SYMPK: variants seen among roughly 807,000 people sequenced by gnomAD.
SYMPK encodes the protein symplekin.
In SYMPK, 49 loss-of-function variants were observed where a neutral mutation model predicts 136.4. That is an observed-to-expected ratio of 0.36 (90% CI 0.29 to 0.46). The LOEUF (loss-of-function observed/expected upper bound fraction) is 0.46. Ranked by LOEUF, SYMPK falls within the 20% of genes least tolerant of loss-of-function variation. The probability of loss-of-function intolerance (pLI) is 1.00; values close to 1 mark genes in which losing one functional copy is unlikely to be tolerated. For missense variants in SYMPK, 1,365 were observed against 1,690.0 expected (o/e 0.81, Z 3.37); for synonymous variants, 766 against 713.0 (o/e 1.07, Z -1.19).
chr19:45,857,532 C>T lies in SYMPK; in HGVS notation c.-12-3025G>A, dbSNP rs188560880. 8.6e-5 allele frequency among the ~76,000 whole-genome samples: 13 copies of T among 151,374 alleles called. No homozygotes were observed. The East Asian group carries it at 2.4e-3, about 27-fold the overall frequency. On this transcript the variant is annotated intron_variant, in intron 1 of 26. Coordinates refer to ENST00000245934, the MANE Select transcript of SYMPK (RefSeq NM_004819.3). Reference sequence around the variant, plus strand: ...TTTGAGATGGAGTCTTGCACTGTCGCCCAGGCTGGAGTGCAGTGGCGTGAT... The same window carrying T: ...TTTGAGATGGAGTCTTGCACTGTCGTCCAGGCTGGAGTGCAGTGGCGTGAT...
intron 1 of SYMPK, chr19:45,855,167 A>G (rs7250497): frequency 0.32 from 48,476 of 153,038 alleles, 7,863 homozygotes; most frequent in Non-Finnish European, 0.35. Context: ...CGTGAACCAC[A>G]GTGCCTGGCC....
intron 11 of SYMPK, among the ~76,000 whole-genome samples, chr19:45,832,663 T>C (rs944710612): frequency 3.3e-5 from 5 of 152,032 alleles, no homozygotes; most frequent in African/African-American, 1.2e-4. Flanking sequence ...AGAATACTAC[T>C]GAGCAATAAA....
At chr19:45,839,654 C>A (rs372056059) in intron 9 of SYMPK, among the ~76,000 whole-genome samples, 1 of 151,926 alleles carries the variant, frequency 6.6e-6, no homozygotes, top group Admixed American at 6.6e-5. Flanking sequence ...CACGGTGAAA[C>A]CCCGTCTCTA....
Position 45,842,497 on chromosome 19 carries a change from G to C in SYMPK, c.848-8C>G, listed in dbSNP as rs1212644977. On this transcript the variant is annotated splice_polypyrimidine_tract_variant and splice_region_variant and intron_variant, in intron 8 of 26. Coordinates refer to ENST00000245934, the MANE Select transcript of SYMPK (RefSeq NM_004819.3). Reference sequence around the variant, plus strand: ...GCGTCGGGGGCAGGTTGGCTGTGAGGAAAGTGGCAGGAGCTGTGTCTTGTG... The same window carrying C: ...GCGTCGGGGGCAGGTTGGCTGTGAGCAAAGTGGCAGGAGCTGTGTCTTGTG... 6 of 1,607,856 alleles carry C rather than the reference G, an allele frequency of 3.7e-6. No homozygotes were observed. The highest frequency in any genetic ancestry group is 1.9e-4 in the Middle Eastern group (1 of 5,374).
Position 45,826,281 on chromosome 19 carries a change from C to T in SYMPK, c.2274G>A (p.Gln758=). The T allele has an allele frequency of 6.2e-7, 1 of 1,613,802 alleles. No homozygotes were observed. The highest frequency in any genetic ancestry group is 1.3e-5 in the African/African-American group (1 of 75,042). ...YVEKFALNYL[Q]LLVHPNPPSV... ...ACGGTGGGTTGGGGTGCACCAGGAG[C>T]TGCAGGTAGTTGAGGGCAAATTTCT... Residue 758 remains glutamine, a synonymous_variant, in exon 17 of 27, where the codon CAG becomes CAA. Transcript: ENST00000245934.
At chr19:45,835,526 G>A (rs1275873422) in intron 10 of SYMPK, among the ~76,000 whole-genome samples, 1 of 152,148 alleles carries the variant, frequency 6.6e-6, no homozygotes, top group African/African-American at 2.4e-5. Flanking sequence ...GCATAATACA[G>A]GACAAGGTTT....
At chr19:45,824,047 G>A (rs1970976375) in intron 18 of SYMPK, 172 bp from the exon 19 acceptor site, 2 of 502,798 alleles carry the variant, frequency 4.0e-6, no homozygotes, top group African/African-American at 1.9e-5. Context: ...GAAGAACCTT[G>A]GCATCTCCCT....
At chr19:45,861,574 A>G (rs911401898) in intron 1 of SYMPK, among the ~76,000 whole-genome samples, 2 of 152,004 alleles carry the variant, frequency 1.3e-5, no homozygotes, top group Non-Finnish European at 2.9e-5. Flanking sequence ...CCCCATCTCT[A>G]CTAAAAATAC....
chr19:45,831,645 G>A (rs1457946028), intron 11 of SYMPK, 57 bp from the exon 12 acceptor site: 49 of 1,439,540 alleles, frequency 3.4e-5, no homozygotes, highest in Admixed American at 1.1e-4. Context: ...GCTCCAACCC[G>A]AGGACCTCCT....
rs1031136090 is a variant in SYMPK, at chr19:45,821,616, G to C, written c.2792-131C>G. The C allele has an allele frequency of 2.8e-5, 19 of 667,938 alleles. No individual in the cohort carries two copies. The African/African-American group carries it at 3.3e-4, about 12-fold the overall frequency. The allele number at this position is 667,938 out of a possible 1,614,324, so 41.4% of individuals were successfully genotyped here. A position where few individuals can be genotyped will look rare whatever the true frequency, so the allele number is the denominator to read the frequency against. ...CCCTCTGCTTTCAGGGCTGGAACAG[G>C]GGAAGCGACTGACAACATAAAAAGG... On this transcript the variant is annotated intron_variant, in intron 21 of 26. Transcript: ENST00000245934. This position sits in a 1 kb window ranked among gnomAD's most constrained non-coding sequence, Gnocchi z 4.4.
At chr19:45,817,452 T>G (rs1600488008) in intron 23 of SYMPK, among the ~76,000 whole-genome samples, 1 of 132,270 alleles carries the variant, frequency 7.6e-6, no homozygotes, top group East Asian at 2.3e-4. Context: ...TTTTGAGAGA[T>G]GGTCTTACTC....
At chr19:45,827,106 G>A (rs1214933796) in intron 16 of SYMPK, among the ~76,000 whole-genome samples, 1 of 152,134 alleles carries the variant, frequency 6.6e-6, no homozygotes, top group Non-Finnish European at 1.5e-5. Flanking sequence ...TGCTGAGCAC[G>A]CTGTGTCCTC....
intron 11 of SYMPK, among the ~76,000 whole-genome samples, chr19:45,832,256 C>G (rs1208415369): frequency 2.6e-5 from 4 of 152,168 alleles, no homozygotes; most frequent in Non-Finnish European, 4.4e-5. Flanking sequence ...ATTTTCCCAC[C>G]TCAGCTTCTG....
Position 45,818,008 on chromosome 19 carries a change from C to T in SYMPK, c.3032G>A (p.Arg1011His), listed in dbSNP as rs749914244. 8.9e-6 allele frequency: 14 copies of T among 1,581,092 alleles called. No homozygotes were observed. Among genetic ancestry groups the T allele is most frequent in the East Asian group, 4.6e-5 (2 of 43,294 alleles). Residue 1011 changes from arginine (R) to histidine (H), a missense_variant, in exon 23 of 27, where the codon CGC becomes CAC. Physicochemically the swap from Arg to His is conservative, Grantham distance 29. Coordinates refer to ENST00000245934, the MANE Select transcript of SYMPK (RefSeq NM_004819.3). ...TVIQSLTMYP[R>H]LGGFVMNILS... ...GATGTTCATGACGAAGCCCCCCAGGCGGGGGTACATGGTCAGGGACTGGAT... is the reference window on the plus strand; with the variant it reads ...GATGTTCATGACGAAGCCCCCCAGGTGGGGGTACATGGTCAGGGACTGGAT...
At chr19:45,831,681 T>G in intron 11 of SYMPK, 93 bp from the exon 12 acceptor site, 1 of 1,056,100 alleles carries the variant, frequency 9.5e-7, no homozygotes, top group Non-Finnish European at 1.3e-6. Flanking sequence ...TTCTGAGCCC[T>G]GTACACACAA....
intron 11 of SYMPK, among the ~76,000 whole-genome samples, chr19:45,832,215 C>T (rs1372627721): frequency 1.3e-5 from 2 of 152,062 alleles, no homozygotes; most frequent in Non-Finnish European, 2.9e-5. Flanking sequence ...GATCCTGACT[C>T]GCTGCAGCCT....
intron 1 of SYMPK, chr19:45,861,837 G>A (rs1971974511): frequency 6.6e-6 from 1 of 151,930 alleles, no homozygotes; most frequent in Non-Finnish European, 1.5e-5. Flanking sequence ...TTGAGGTCAG[G>A]AGTTCAAGAC....
intron 23 of SYMPK, 57 bp downstream of exon 23, chr19:45,817,902 A>G (rs532105890): frequency 6.7e-7 from 1 of 1,482,450 alleles, no homozygotes; most frequent in East Asian, 2.5e-5. Context: ...GGGGAGGGCA[A>G]GCAGGCTAGA....
chr19:45,846,262 A>C (rs2146334438), intron 7 of SYMPK, among the ~76,000 whole-genome samples: 1 of 152,336 alleles, frequency 6.6e-6, no homozygotes, highest in East Asian at 1.9e-4. Context: ...TTAAAAATCT[A>C]AATGACCATC....
Sources: allele counts gnomAD v4.1 joint callset (sites outside exome capture counted in the v4.1 genomes callset), GRCh38; gene constraint gnomAD v4.1.1; non-coding constraint Gnocchi (gnomAD v3.1); transcripts MANE v1.5; gene names NCBI Gene and HGNC (gene_info 2026-07-23, HGNC 2026-07-21).